MRPL20: variants seen among roughly 807,000 people sequenced by gnomAD.
The protein encoded by MRPL20 is large ribosomal subunit protein bL20m.
In MRPL20, 21 loss-of-function variants were observed where a neutral mutation model predicts 20.0. The ratio of observed to expected loss-of-function variants is 1.05; its 90% CI spans 0.74 to 1.51. MRPL20 has a LOEUF of 1.51. Ranked by LOEUF, MRPL20 falls within the 40% of genes most tolerant of loss-of-function variation. The pLI, the probability that MRPL20 is intolerant of heterozygous loss-of-function variation, is 0.00. For missense variants in MRPL20, 252 were observed against 185.6 expected (o/e 1.36, Z -2.08); for synonymous variants, 104 against 73.0 (o/e 1.43, Z -2.17).
chr1:1,403,986 G>A (rs1645359152), intron 3 of MRPL20, among the ~76,000 whole-genome samples: 1 of 145,640 alleles, frequency 6.9e-6, no homozygotes, highest in Admixed American at 6.9e-5. Context: ...ACAGGCGCAT[G>A]CCAGCACCAC....
rs944227082 is a variant in MRPL20 at position 1,402,672 on chromosome 1, C to T, written c.277-416G>A. The T allele has an allele frequency of 1.9e-5, 18 of 959,894 alleles. No homozygotes were observed. The South Asian group carries it at 1.9e-4, about 10-fold the overall frequency. The allele number at this position is 959,894 out of a possible 1,614,324, so 59.5% of individuals were successfully genotyped here. On this transcript the variant is annotated intron_variant, in intron 3 of 3. Transcript: ENST00000344843. ...AGTTTAAGGAGTAGAAAAGGGGGGC[C>T]GTCTCTTTGAGCATTAAATTCAGCT...
At chr1:1,402,384 A>AT in intron 3 of MRPL20, 128 bp from the exon 4 acceptor site, 1 of 1,416,076 alleles carries the variant, frequency 7.1e-7, no homozygotes, top group Non-Finnish European at 9.2e-7. Flanking sequence ...GCCTAGGAGA[A>AT]TCCTATCTGG....
chr1:1,404,264 C>T (rs953376487), intron 3 of MRPL20, among the ~76,000 whole-genome samples: 8 of 151,936 alleles, frequency 5.3e-5, no homozygotes, highest in Non-Finnish European at 1.2e-4. Context: ...CGCCATTCTC[C>T]TGCCTCAGCC....
intron 3 of MRPL20, chr1:1,402,481 G>A (rs1011627791): frequency 1.2e-5 from 15 of 1,302,108 alleles, no homozygotes; most frequent in Non-Finnish European, 1.5e-5. Flanking sequence ...CTGCAGGGAG[G>A]CTGGACTCCA....
chr1:1,402,418 G>T, intron 3 of MRPL20, 162 bp from the exon 4 acceptor site: 1 of 1,386,006 alleles, frequency 7.2e-7, no homozygotes, highest in South Asian at 1.7e-5. Flanking sequence ...GGACTTCCAG[G>T]CAGGATGCTG....
intron 3 of MRPL20, among the ~76,000 whole-genome samples, chr1:1,404,192 C>T (rs545074826): frequency 1.3e-5 from 2 of 150,546 alleles, no homozygotes; most frequent in Admixed American, 6.6e-5. Context: ...CTCGCTCTGT[C>T]GACCAGCCTG....
intron 2 of MRPL20, chr1:1,406,661 C>CGACA: frequency 1.9e-6 from 1 of 533,448 alleles, no homozygotes; most frequent in Non-Finnish European, 3.4e-6. Context: ...GGGAGAGTGT[C>CGACA]AAGGCGGCTC....
chr1:1,405,327 G>T (rs1176835836), intron 3 of MRPL20: 4 of 381,534 alleles, frequency 1.0e-5, no homozygotes, highest in Non-Finnish European at 1.9e-5. Flanking sequence ...AGGCTAGAGT[G>T]CAGTGGTACC....
intron 3 of MRPL20, chr1:1,402,646 G>T (rs1427928453): frequency 1.0e-6 from 1 of 993,766 alleles, no homozygotes. Flanking sequence ...AACAATGCCA[G>T]AGTTTAAGGA....
At chr1:1,405,940 C>T (rs1291839830) in intron 2 of MRPL20, 54 bp from the exon 3 acceptor site, 15 of 1,576,156 alleles carry the variant, frequency 9.5e-6, no homozygotes, top group African/African-American at 6.8e-5. Context: ...TGTTATGTCC[C>T]AGCAAAGCCT....
At position 1,402,235 on chromosome 1, in the gene MRPL20, T is replaced by A. The variant is rs1357077434; in HGVS notation, c.298A>T (p.Lys100Ter). 1 of 1,612,538 alleles carries A rather than the reference T, an allele frequency of 6.2e-7. No individual in the cohort carries two copies. The highest frequency in any genetic ancestry group is 1.1e-5 in the South Asian group (1 of 90,908). ...TAGATGGCCAGATCCGCTAGGACTT[T>A]CCTGTTGAGCTCCACCTGGCACTGA... is the stretch of plus-strand genomic sequence containing the variant. ...LVKCQVELNR[K>*]VLADLAIYEP... Residue 100 changes from lysine (K) to a stop codon, truncating the protein, a stop_gained, in exon 4 of 4, where the codon AAA becomes TAA. Transcript: ENST00000344843. LOFTEE classifies it high-confidence loss of function.
intron 3 of MRPL20, among the ~76,000 whole-genome samples, chr1:1,404,308 C>G (rs983739497): frequency 3.3e-5 from 5 of 151,974 alleles, no homozygotes; most frequent in Non-Finnish European, 7.4e-5. Flanking sequence ...TGCCCGCCAC[C>G]ACGCCTGGCT....
intron 3 of MRPL20, 43 bp downstream of exon 3, chr1:1,405,766 C>T (rs752644207): frequency 1.2e-6 from 2 of 1,613,962 alleles, no homozygotes; most frequent in East Asian, 4.5e-5. Flanking sequence ...ATGGTTTCTG[C>T]AGATGTCCAG....
At chr1:1,402,651 T>A in intron 3 of MRPL20, 17 of 991,460 alleles carry the variant, frequency 1.7e-5, no homozygotes, top group Non-Finnish European at 1.9e-5. Flanking sequence ...TGCCAGAGTT[T>A]AAGGAGTAGA....
chr1:1,407,190 G>A lies in MRPL20; in HGVS notation c.28C>T (p.Leu10=), dbSNP rs990729481. 1.9e-6 allele frequency: 3 copies of A among 1,606,222 alleles called. No homozygotes were observed. The highest frequency in any genetic ancestry group is 2.5e-6 in the Non-Finnish European group (3 of 1,176,762). MVFLTAQLW[L]RNRVTDRYFR... is the part of the protein sequence containing the mutation. ...TAGCGGTCGGTGACGCGATTCCGCA[G>A]CCAGAGCTGCGCGGTGAGGAAGACC... Residue 10 remains leucine, a synonymous_variant, in exon 1 of 4, where the codon CTG becomes TTG. Transcript: ENST00000344843.
chr1:1,406,798 G>A (rs996959275), intron 2 of MRPL20, 111 bp downstream of exon 2: 4 of 920,402 alleles, frequency 4.3e-6, no homozygotes, highest in Non-Finnish European at 7.1e-6. Context: ...AGCAAGGTAT[G>A]AAAGGAAGGG....
chr1:1,402,547 CCT>C (rs1298409739), intron 3 of MRPL20: 1 of 1,149,842 alleles, frequency 8.7e-7, no homozygotes, highest in Non-Finnish European at 1.1e-6. Flanking sequence ...TGGTCACCAC[CCT>C]GACTGAGCTG....
chr1:1,402,301 C>A, intron 3 of MRPL20, 45 bp from the exon 4 acceptor site: 1 of 1,559,990 alleles, frequency 6.4e-7, no homozygotes, highest in South Asian at 1.2e-5. Context: ...GTGAGACACA[C>A]ACTCCGGCTC....
At chr1:1,406,724 C>T in intron 2 of MRPL20, 185 bp downstream of exon 2, 1 of 562,886 alleles carries the variant, frequency 1.8e-6, no homozygotes, top group Non-Finnish European at 3.1e-6. Context: ...GGGGTGGCGG[C>T]GGGGCGGGAG....
Sources: allele counts gnomAD v4.1 joint callset (sites outside exome capture counted in the v4.1 genomes callset), GRCh38; gene constraint gnomAD v4.1.1; transcripts MANE v1.5; gene names NCBI Gene and HGNC (gene_info 2026-07-23, HGNC 2026-07-21).